Variants in ANGPT1 observed in about 807,000 individuals in gnomAD.
ANGPT1 encodes angiopoietin-1.
Under a neutral mutation model 62.2 loss-of-function variants are expected in ANGPT1, and 17 were observed. That is an observed-to-expected ratio of 0.27 (90% CI 0.19 to 0.41). The LOEUF (loss-of-function observed/expected upper bound fraction) is 0.41, where lower values mean the gene tolerates loss of function less well. ANGPT1 is among the 10% of genes least tolerant of loss of function. ANGPT1 has a pLI of 1.00. For missense variants in ANGPT1, 478 were observed against 594.9 expected, an observed-to-expected ratio of 0.80 and a Z score of 2.04; for synonymous variants, 199 against 198.9, an observed-to-expected ratio of 1.00 and a Z score of 0.00.
intron 1 of ANGPT1, among the ~76,000 whole-genome samples, chr8:107,416,375 C>A (rs138950816): frequency 1.3e-5 from 2 of 152,114 alleles, no homozygotes; most frequent in Admixed American, 1.3e-4. Context: ...TTTTAAAGAA[C>A]ACAAATAAGC....
intron 8 of ANGPT1, 42 bp from the exon 9 acceptor site, chr8:107,252,057 C>T (rs1813259615): frequency 6.4e-7 from 1 of 1,568,912 alleles, no homozygotes; most frequent in Non-Finnish European, 8.7e-7. Context: ...GGAGAGGCAA[C>T]AATTTTAAGT....
At chr8:107,363,334 A>G (rs1189889028) in intron 1 of ANGPT1, among the ~76,000 whole-genome samples, 5 of 152,188 alleles carry the variant, frequency 3.3e-5, no homozygotes, top group African/African-American at 9.7e-5. Context: ...CAGTTTGAGA[A>G]TCTATTAGAA....
chr8:107,308,138 A>G (rs984032647), intron 4 of ANGPT1, among the ~76,000 whole-genome samples: 1 of 152,152 alleles, frequency 6.6e-6, no homozygotes, highest in Non-Finnish European at 1.5e-5. Context: ...TCTCCTAGGC[A>G]ATGGAGATAC....
intron 3 of ANGPT1, among the ~76,000 whole-genome samples, chr8:107,326,931 T>C (rs543045084): frequency 2.0e-5 from 3 of 152,252 alleles, no homozygotes; most frequent in Admixed American, 1.3e-4. Flanking sequence ...ATGAACATCC[T>C]ATAGTCTCAT....
rs576489225 is a variant in ANGPT1 at position 107,376,711 on chromosome 8, C to A, written c.298-29614G>T. 3.9e-5 allele frequency among the ~76,000 whole-genome samples: 6 copies of A among 152,140 alleles called. No individual in the cohort carries two copies. The South Asian group carries it at 1.2e-3, about 32-fold the overall frequency. ...GGCTAAAGGCAATTTGAATTTTATC[C>A]CACTGAAAAATAAGAAAATCTGAGG... On this transcript the variant is annotated intron_variant, in intron 1 of 8. Transcript: ENST00000517746.
intron 3 of ANGPT1, among the ~76,000 whole-genome samples, chr8:107,333,303 GAAATTGATAGAA>G (rs1815468859): frequency 6.6e-6 from 1 of 152,048 alleles, no homozygotes; most frequent in Non-Finnish European, 1.5e-5. Context: ...AGGAGGCATA[GAAATTGATAGAA>G]AAATACCCCA....
At chr8:107,337,286 A>G (rs1462408719) in intron 2 of ANGPT1, among the ~76,000 whole-genome samples, 3 of 152,228 alleles carry the variant, frequency 2.0e-5, no homozygotes. Context: ...CCCAGAACCC[A>G]GATTGTATGA....
At chr8:107,323,020 T>C (rs1450755233) in intron 3 of ANGPT1, among the ~76,000 whole-genome samples, 1 of 152,118 alleles carries the variant, frequency 6.6e-6, no homozygotes, top group African/African-American at 2.4e-5. Flanking sequence ...ACTGTATAAA[T>C]GGTAACAAAA....
At chr8:107,410,467 A>G (rs938810257) in intron 1 of ANGPT1, among the ~76,000 whole-genome samples, 1 of 152,270 alleles carries the variant, frequency 6.6e-6, no homozygotes, top group Non-Finnish European at 1.5e-5. Context: ...CAGGTGACCT[A>G]TGAGCATCAA....
intron 1 of ANGPT1, among the ~76,000 whole-genome samples, chr8:107,404,384 A>G (rs1463657106): frequency 6.6e-6 from 1 of 152,226 alleles, no homozygotes; most frequent in East Asian, 1.9e-4. Context: ...TGTCCCTCCA[A>G]AGAGATAACC....
rs1817120041 is a variant in ANGPT1, at chr8:107,405,016, CA to C, written c.298-57920del. Reference sequence around the variant, plus strand: ...TTGGGCTATTATTTCTTGAGAACACCATGGGTTGATGATTCCATGTTATATC... The same window carrying C: ...TTGGGCTATTATTTCTTGAGAACACCTGGGTTGATGATTCCATGTTATATC... On this transcript the variant is annotated intron_variant, in intron 1 of 8. Coordinates refer to ENST00000517746, the MANE Select transcript of ANGPT1 (RefSeq NM_001146.5). Among the ~76,000 whole-genome samples, 12 of 151,902 alleles carry C rather than the reference CA, an allele frequency of 7.9e-5. No homozygotes were observed. In the South Asian group the frequency reaches 2.5e-3, roughly 32 times the overall value.
intron 7 of ANGPT1, among the ~76,000 whole-genome samples, chr8:107,273,184 T>C (rs1319897076): frequency 1.3e-5 from 2 of 152,052 alleles, no homozygotes; most frequent in African/African-American, 4.8e-5. Flanking sequence ...TCTCGGGAGG[T>C]AGATTTGTTC....
At chr8:107,492,733 A>G (rs1400006023) in intron 1 of ANGPT1, among the ~76,000 whole-genome samples, 1 of 150,574 alleles carries the variant, frequency 6.6e-6, no homozygotes, top group Non-Finnish European at 1.5e-5. Flanking sequence ...ACCACCGGCC[A>G]CCAAAACAAT....
In ANGPT1 at chr8:107,427,260, A is replaced by G. The variant is rs73702068; in HGVS notation, c.297+70002T>C. Among the ~76,000 whole-genome samples the G allele has an allele frequency of 8.1e-3, 1,235 of 152,232 alleles. 13 individuals are homozygous for G. The highest frequency in any genetic ancestry group is 0.028 in the African/African-American group (1,169 of 41,526). ...GAGGAATGGGGGTTAGGGGCTGCCT[A>G]GGGGCCAGGGCTGAATTTTGTTTCA... On this transcript the variant is annotated intron_variant, in intron 1 of 8. Transcript: ENST00000517746.
At chr8:107,333,948 G>A (rs867448555) in intron 3 of ANGPT1, among the ~76,000 whole-genome samples, 5 of 113,514 alleles carry the variant, frequency 4.4e-5, no homozygotes, top group African/African-American at 6.4e-5. Context: ...GAAAGAAAAA[G>A]AAAGAAAGAA....
chr8:107,378,574 T>C (rs1816574479), intron 1 of ANGPT1, among the ~76,000 whole-genome samples: 1 of 152,140 alleles, frequency 6.6e-6, no homozygotes, highest in Non-Finnish European at 1.5e-5. Flanking sequence ...TGAAATCTCA[T>C]CTCAAATTGT....
intron 3 of ANGPT1, among the ~76,000 whole-genome samples, chr8:107,323,454 A>G (rs1586223172): frequency 6.6e-6 from 1 of 152,194 alleles, no homozygotes; most frequent in Non-Finnish European, 1.5e-5. Flanking sequence ...CAATACTTAA[A>G]TTATAAAATA....
intron 5 of ANGPT1, among the ~76,000 whole-genome samples, chr8:107,300,643 T>C (rs1563557803): frequency 6.6e-6 from 1 of 151,916 alleles, no homozygotes; most frequent in South Asian, 2.1e-4. Flanking sequence ...TCAGCAGTGA[T>C]AAAATTTGCT....
chr8:107,375,067 G>A (rs1816501769), intron 1 of ANGPT1, among the ~76,000 whole-genome samples: 1 of 152,134 alleles, frequency 6.6e-6, no homozygotes, highest in Non-Finnish European at 1.5e-5. Flanking sequence ...AGCTGAGGCA[G>A]GAGATTCGCT....
Sources: allele counts gnomAD v4.1 joint callset (sites outside exome capture counted in the v4.1 genomes callset), GRCh38; gene constraint gnomAD v4.1.1; transcripts MANE v1.5; gene names NCBI Gene and HGNC (gene_info 2026-07-23, HGNC 2026-07-21).